FNTB: variants seen among roughly 807,000 people sequenced by gnomAD.
The protein encoded by FNTB is farnesyltransferase, CAAX box, subunit beta.
In FNTB, 27 loss-of-function variants were observed where a neutral mutation model predicts 59.4. That is an observed-to-expected ratio of 0.45 (90% CI 0.34 to 0.63). The LOEUF (loss-of-function observed/expected upper bound fraction) is 0.63. Ranked by LOEUF, FNTB falls within the 20% of genes least tolerant of loss-of-function variation. The pLI, the probability that FNTB is intolerant of heterozygous loss-of-function variation, is 0.02. For missense variants in FNTB, 449 were observed against 559.6 expected (o/e 0.80, Z 1.99); for synonymous variants, 230 against 220.7 (o/e 1.04, Z -0.37).
Position 64,997,017 on chromosome 14 carries a change from A to G in FNTB, c.145-7232A>G, listed in dbSNP as rs931447734. Among the ~76,000 whole-genome samples, 7 of 151,306 alleles carry G rather than the reference A, an allele frequency of 4.6e-5. No individual in the cohort carries two copies. The highest frequency in any genetic ancestry group is 6.6e-5 in the Admixed American group (1 of 15,220). ...TCACACTGTCATTTTGCCTTTTTTC[A>G]TTTCACAGTAAAAAAAAAAATAGAA... On this transcript the variant is annotated intron_variant, in intron 1 of 11. Transcript: ENST00000246166. This position sits in a 1 kb window ranked among gnomAD's most constrained non-coding sequence, Gnocchi z 4.5.
chr14:64,993,319 A>G (rs1888275000), intron 1 of FNTB, among the ~76,000 whole-genome samples: 1 of 152,216 alleles, frequency 6.6e-6, no homozygotes, highest in Admixed American at 6.5e-5. Context: ...ATGGCAGTTT[A>G]CACATGGAAG....
rs1267029178 is a variant in FNTB, at chr14:65,006,139, GTTTGTTACC to G, written c.209+1832_209+1840del. 4 of 1,574,938 alleles carry G rather than the reference GTTTGTTACC, an allele frequency of 2.5e-6. No individual in the cohort carries two copies. In the African/African-American group the frequency reaches 4.4e-5, roughly 17 times the overall value. On this transcript the variant is annotated intron_variant, in intron 2 of 11. Coordinates refer to ENST00000246166, the MANE Select transcript of FNTB (RefSeq NM_002028.4). ...GAACATTATAAATAGGTCCAGCTTTGTTTGTTACCTTTGTGTCTTTTTTTTTTTTTTTTT... is the reference window on the plus strand; with the variant it reads ...GAACATTATAAATAGGTCCAGCTTTGTTTGTGTCTTTTTTTTTTTTTTTTT...
In FNTB at chr14:65,001,012, A is replaced by G. The variant is rs1594991206; in HGVS notation, c.145-3237A>G. Reference sequence around the variant, plus strand: ...GATGAGGCAGCTAGGGAGGAATGAAATGCCTTTAAACAACTGCCCCCGGAC... The same window carrying G: ...GATGAGGCAGCTAGGGAGGAATGAAGTGCCTTTAAACAACTGCCCCCGGAC... On this transcript the variant is annotated intron_variant, in intron 1 of 11. Coordinates refer to ENST00000246166, the MANE Select transcript of FNTB (RefSeq NM_002028.4). The surrounding 1 kb of genome is among the most constrained non-coding windows in gnomAD (Gnocchi z 5.5). 6.6e-6 allele frequency among the ~76,000 whole-genome samples: 1 copy of G among 152,080 alleles called. No homozygotes were observed. Among genetic ancestry groups the G allele is most frequent in the East Asian group, 1.9e-4 (1 of 5,190 alleles).
chr14:65,058,417 T>C (rs1407964451), intron 11 of FNTB, among the ~76,000 whole-genome samples: 1 of 152,176 alleles, frequency 6.6e-6, no homozygotes, highest in African/African-American at 2.4e-5. Flanking sequence ...TTGAACTCTT[T>C]AATAGTTTTA....
chr14:65,004,122 TACTGTGA>T, intron 1 of FNTB, 120 bp from the exon 2 acceptor site: 1 of 925,606 alleles, frequency 1.1e-6, no homozygotes, highest in Non-Finnish European at 1.7e-6. Context: ...CATCTTACAG[TACTGTGA>T]AGTTCCAGAC....
Position 65,009,231 on chromosome 14 carries a change from T to C in FNTB, c.210-3086T>C, listed in dbSNP as rs1351817191. ...TGGGGTGCATTAAACCACAGAGATT[T>C]ATTTTTTCACATTTCTGGAGGCCAG... On this transcript the variant is annotated intron_variant, in intron 2 of 11. Transcript: ENST00000246166. This position sits in a 1 kb window ranked among gnomAD's most constrained non-coding sequence, Gnocchi z 4.2. 6.6e-6 allele frequency among the ~76,000 whole-genome samples: 1 copy of C among 152,208 alleles called. No homozygotes were observed. Among genetic ancestry groups the C allele is most frequent in the East Asian group, 1.9e-4 (1 of 5,194 alleles).
chr14:65,005,495 TTCTTTC>T (rs1323256960), intron 2 of FNTB, among the ~76,000 whole-genome samples: 3 of 136,638 alleles, frequency 2.2e-5, no homozygotes, highest in African/African-American at 9.2e-5. Context: ...CTTTCTTTCT[TTCTTTC>T]TTTCTTTCTT....
chr14:65,037,744 A>C (rs200963263), intron 7 of FNTB, among the ~76,000 whole-genome samples: 1 of 59,008 alleles, frequency 1.7e-5, no homozygotes, highest in Non-Finnish European at 3.4e-5. Context: ...TTTATTTATT[A>C]TTTATTTATT....
Position 65,032,164 on chromosome 14 carries a change from ATAGT to A in FNTB, c.606-443_606-440del, listed in dbSNP as rs1382570693. The stretch of plus-strand genomic sequence containing the variant: ...GCAGTTTATCTGTTGCAGAAAAAGT[ATAGT>A]TAATCTTTAATGTGTCAAGGCTGTA... On this transcript the variant is annotated intron_variant, in intron 6 of 11. Transcript: ENST00000246166. This position sits in a 1 kb window ranked among gnomAD's most constrained non-coding sequence, Gnocchi z 5.0. Among the ~76,000 whole-genome samples the A allele has an allele frequency of 6.6e-6, 1 of 152,156 alleles. No homozygotes were observed. Among genetic ancestry groups the A allele is most frequent in the Non-Finnish European group, 1.5e-5 (1 of 68,024 alleles).
chr14:64,990,084 A>C lies in FNTB; in HGVS notation c.144+2987A>C, dbSNP rs1371425378. 6.6e-6 allele frequency among the ~76,000 whole-genome samples: 1 copy of C among 152,216 alleles called. No individual in the cohort carries two copies. Among genetic ancestry groups the C allele is most frequent in the Non-Finnish European group, 1.5e-5 (1 of 68,026 alleles). On this transcript the variant is annotated intron_variant, in intron 1 of 11. Transcript: ENST00000246166. This position sits in a 1 kb window ranked among gnomAD's most constrained non-coding sequence, Gnocchi z 5.2. ...TCTGGGCAGAGAAAGCAGCAAGCAC[A>C]AAGGACCAAGGCAGCAGAATGCCAG...
intron 7 of FNTB, among the ~76,000 whole-genome samples, chr14:65,035,425 CT>C (rs2062166334): frequency 6.6e-6 from 1 of 152,192 alleles, no homozygotes; most frequent in Non-Finnish European, 1.5e-5. Flanking sequence ...GGGGGGTTGA[CT>C]GGTTAGGCAC....
rs1055222620 is a variant in FNTB at position 65,009,696 on chromosome 14, C to G, written c.210-2621C>G. ...TAATGTGGAATTTCTCTGCTTACTGCCTTGTACTTTTGATCCAGCTGAACT... is the reference window on the plus strand; with the variant it reads ...TAATGTGGAATTTCTCTGCTTACTGGCTTGTACTTTTGATCCAGCTGAACT... On this transcript the variant is annotated intron_variant, in intron 2 of 11. Transcript: ENST00000246166. The surrounding 1 kb of genome is among the most constrained non-coding windows in gnomAD (Gnocchi z 4.2). Among the ~76,000 whole-genome samples, 54 of 152,124 alleles carry G rather than the reference C, an allele frequency of 3.5e-4. No homozygotes were observed. Among genetic ancestry groups the G allele is most frequent in the African/African-American group, 1.3e-3 (52 of 41,416 alleles).
At chr14:65,038,085 T>C (rs538837869) in intron 7 of FNTB, among the ~76,000 whole-genome samples, 1 of 151,850 alleles carries the variant, frequency 6.6e-6, no homozygotes, top group East Asian at 2.0e-4. Context: ...AAATATGACA[T>C]CCCATTAGTA....
At chr14:65,005,124 C>T (rs1338834712) in intron 2 of FNTB, among the ~76,000 whole-genome samples, 1 of 152,190 alleles carries the variant, frequency 6.6e-6, no homozygotes, top group Admixed American at 6.5e-5. Context: ...AAATTTCAAA[C>T]AAGAAATAGA....
rs774043759 is a variant in FNTB, at chr14:65,032,387, G to C, written c.606-223G>C. On this transcript the variant is annotated intron_variant, in intron 6 of 11. Transcript: ENST00000246166. This position sits in a 1 kb window ranked among gnomAD's most constrained non-coding sequence, Gnocchi z 5.0. ...GGACCATGTGGAGGTAGGGAGAATA[G>C]AATGTCATGTTCTTTCACTGAAGCC... is the stretch of plus-strand genomic sequence containing the variant. 4.5e-6 allele frequency: 2 copies of C among 448,348 alleles called. No individual in the cohort carries two copies. The highest frequency in any genetic ancestry group is 7.9e-6 in the Non-Finnish European group (2 of 252,402). 27.8% of individuals were successfully genotyped at this position (448,348 alleles called of 1,614,324 possible). A position where few individuals can be genotyped will look rare whatever the true frequency, so the allele number is the denominator to read the frequency against.
chr14:65,055,629 G>A (rs1018169921), intron 11 of FNTB, among the ~76,000 whole-genome samples: 1 of 152,046 alleles, frequency 6.6e-6, no homozygotes, highest in East Asian at 1.9e-4. Flanking sequence ...CAATTCTCGT[G>A]CCTCAGCCTC....
At chr14:65,043,987 T>G (rs963105448) in intron 8 of FNTB, among the ~76,000 whole-genome samples, 3 of 152,202 alleles carry the variant, frequency 2.0e-5, no homozygotes, top group African/African-American at 7.2e-5. Flanking sequence ...TTAAGAGACT[T>G]TGAAGGTCTC....
chr14:65,019,073 TGAG>T (rs2061836624), intron 4 of FNTB, among the ~76,000 whole-genome samples: 8 of 152,148 alleles, frequency 5.3e-5, no homozygotes, highest in Admixed American at 4.6e-4. Flanking sequence ...CTCAGGAGGC[TGAG>T]GCAGGAGACT....
At chr14:65,026,134 G>T (rs1238769187) in intron 4 of FNTB, among the ~76,000 whole-genome samples, 1 of 152,158 alleles carries the variant, frequency 6.6e-6, no homozygotes, top group Non-Finnish European at 1.5e-5. Context: ...CAGGAAAGAA[G>T]GCCCCATGAA....
Sources: allele counts gnomAD v4.1 joint callset (sites outside exome capture counted in the v4.1 genomes callset), GRCh38; gene constraint gnomAD v4.1.1; non-coding constraint Gnocchi (gnomAD v3.1); transcripts MANE v1.5; gene names NCBI Gene and HGNC (gene_info 2026-07-23, HGNC 2026-07-21).